The following ABI3BP variants were observed in gnomAD, a reference collection of about 807,000 sequenced individuals.
The protein encoded by ABI3BP is target of Nesh-SH3.
A neutral mutation model predicts 268.6 loss-of-function variants in ABI3BP; 216 were observed. The ratio of observed to expected loss-of-function variants is 0.80; its 90% CI spans 0.72 to 0.90. The LOEUF (loss-of-function observed/expected upper bound fraction) is 0.90. Among genes scored for constraint, ABI3BP ranks in the 40% least tolerant of loss-of-function variants. The probability of loss-of-function intolerance (pLI) is 0.00; values close to 1 mark genes in which losing one functional copy is unlikely to be tolerated. For missense variants in ABI3BP, 2,090 were observed against 2,182.4 expected, an observed-to-expected ratio of 0.96 and a Z score of 0.84; for synonymous variants, 730 against 730.0, an observed-to-expected ratio of 1.00 and a Z score of 0.00.
chr3:100,823,407 G>A (rs1315146764), intron 37 of ABI3BP, 51 bp downstream of exon 37: 5 of 1,439,502 alleles, frequency 3.5e-6, no homozygotes, highest in Admixed American at 4.5e-5. Context: ...TGAAACTCTA[G>A]GTTTGACAAT....
chr3:100,984,832 C>G (rs1173960318), intron 1 of ABI3BP, among the ~76,000 whole-genome samples: 2 of 152,026 alleles, frequency 1.3e-5, no homozygotes, highest in Non-Finnish European at 2.9e-5. Flanking sequence ...GCCTTCCCAA[C>G]ACAAGAGAAG....
chr3:100,756,193 C>T (rs1341632025), intron 63 of ABI3BP, among the ~76,000 whole-genome samples: 1 of 152,162 alleles, frequency 6.6e-6, no homozygotes, highest in Non-Finnish European at 1.5e-5. Flanking sequence ...AGCAATGAGG[C>T]TCAAAACACT....
At position 100,750,030 on chromosome 3, in the gene ABI3BP, C is replaced by T. The variant is rs988152644; in HGVS notation, c.*465G>A. ...AAATGTGAAAATTCGGACCTTTTTTCCCCAGATATACATGCTGAAGATAAT... is the reference window on the plus strand; with the variant it reads ...AAATGTGAAAATTCGGACCTTTTTTTCCCAGATATACATGCTGAAGATAAT... On this transcript the variant is annotated 3_prime_UTR_variant, in exon 68 of 68. Transcript: ENST00000471714. 6 of 297,720 alleles carry T rather than the reference C, an allele frequency of 2.0e-5. No individual in the cohort carries two copies. The highest frequency in any genetic ancestry group is 3.0e-5 in the Non-Finnish European group (5 of 164,076). The allele number at this position is 297,720 out of a possible 1,614,324, so 18.4% of individuals were successfully genotyped here. A position where few individuals can be genotyped will look rare whatever the true frequency, so the allele number is the denominator to read the frequency against.
chr3:100,882,172 CT>C (rs1561227733), intron 6 of ABI3BP, among the ~76,000 whole-genome samples: 1 of 152,096 alleles, frequency 6.6e-6, no homozygotes, highest in African/African-American at 2.4e-5. Context: ...TTCAATGTGT[CT>C]TTTTGCTTGA....
chr3:100,863,944 G>C, intron 12 of ABI3BP, 58 bp downstream of exon 12: 1 of 1,214,776 alleles, frequency 8.2e-7, no homozygotes, highest in Admixed American at 2.0e-5. Context: ...AGACTTCTTT[G>C]AAGCATGCAT....
At chr3:100,826,941 G>A (rs1311250378) in intron 34 of ABI3BP, among the ~76,000 whole-genome samples, 1 of 152,136 alleles carries the variant, frequency 6.6e-6, no homozygotes, top group Non-Finnish European at 1.5e-5. Context: ...CAACAAAAAT[G>A]TTTTGGCTGA....
At chr3:100,801,305 G>A (rs1453308978) in intron 51 of ABI3BP, among the ~76,000 whole-genome samples, 2 of 151,664 alleles carry the variant, frequency 1.3e-5, no homozygotes, top group African/African-American at 4.8e-5. Context: ...GCTTACACCT[G>A]TAGTCCCAGC....
chr3:100,959,383 G>A (rs1338626523), intron 1 of ABI3BP, among the ~76,000 whole-genome samples: 2 of 150,700 alleles, frequency 1.3e-5, no homozygotes, highest in South Asian at 2.1e-4. Context: ...CCAGCTACTC[G>A]GGAGGCTGAG....
chr3:100,821,597 C>CTTT (rs369631203), intron 38 of ABI3BP, among the ~76,000 whole-genome samples: 83 of 119,142 alleles, frequency 7.0e-4, no homozygotes, highest in African/African-American at 1.1e-3. Flanking sequence ...TGAAGTAAGA[C>CTTT]TTTTTTTTTT....
intron 23 of ABI3BP, 115 bp from the exon 24 acceptor site, chr3:100,839,731 AT>A: frequency 8.5e-7 from 1 of 1,170,594 alleles, no homozygotes; most frequent in East Asian, 2.6e-5. Context: ...TCTGAATGTG[AT>A]TTTCCCTTTT....
rs199998539 is a variant in ABI3BP at position 100,926,415 on chromosome 3, C to G, written c.146G>C (p.Arg49Pro). 1.9e-6 allele frequency: 3 copies of G among 1,613,284 alleles called. No homozygotes were observed. In the African/African-American group the frequency reaches 4.0e-5, roughly 22 times the overall value. The stretch of plus-strand genomic sequence containing the variant: ...TTCAAGCTTTACATTTGGACTTGGA[C>G]GCAAGAACTTCAAGAGGATGGAGTC... ...TSDSILLKFL[R>P]PSPNVKLEGL... Residue 49 changes from arginine (R) to proline (P), a missense_variant, in exon 2 of 68, where the codon CGT becomes CCT. Coordinates refer to ENST00000471714, the MANE Select transcript of ABI3BP (RefSeq NM_001375547.2).
intron 14 of ABI3BP, among the ~76,000 whole-genome samples, chr3:100,853,506 TATGAGTTA>T (rs1478911281): frequency 6.6e-6 from 1 of 152,186 alleles, no homozygotes; most frequent in African/African-American, 2.4e-5. Context: ...GGTAAGAAAC[TATGAGTTA>T]ATGGCTTTTT....
intron 1 of ABI3BP, among the ~76,000 whole-genome samples, chr3:100,971,117 C>T (rs2083392886): frequency 3.3e-5 from 5 of 152,132 alleles, no homozygotes; most frequent in Admixed American, 6.6e-5. Flanking sequence ...CAGCATGCCT[C>T]GCAAGTGTCA....
intron 14 of ABI3BP, among the ~76,000 whole-genome samples, chr3:100,857,511 C>T (rs988836724): frequency 2.6e-5 from 4 of 152,150 alleles, no homozygotes; most frequent in African/African-American, 7.2e-5. Context: ...TGATCACATT[C>T]ACAACGAGAA....
chr3:100,789,333 G>C (rs982452794), intron 56 of ABI3BP, 121 bp downstream of exon 56: 12 of 859,906 alleles, frequency 1.4e-5, no homozygotes, highest in Admixed American at 4.6e-5. Flanking sequence ...ACACAGATCA[G>C]AGTCTCTGTA....
At chr3:100,871,976 A>G (rs2099114559) in intron 9 of ABI3BP, among the ~76,000 whole-genome samples, 1 of 152,180 alleles carries the variant, frequency 6.6e-6, no homozygotes, top group Non-Finnish European at 1.5e-5. Context: ...AGTTAGGACT[A>G]CAGGCATGTA....
intron 11 of ABI3BP, chr3:100,864,557 C>T: frequency 2.5e-6 from 1 of 393,022 alleles, no homozygotes; most frequent in Non-Finnish European, 4.5e-6. Flanking sequence ...GGTATTCTGT[C>T]TGTATAACCC....
Position 100,753,919 on chromosome 3 carries a change from A to G in ABI3BP, c.4931-71T>C, listed in dbSNP as rs995270792. On this transcript the variant is annotated intron_variant, in intron 64 of 67. Transcript: ENST00000471714. ...CCAACATTCCAGTGGCATGGTGAAG[A>G]TGATGGGGGCTTACACTTGTTAAGA... 5.5e-6 allele frequency: 8 copies of G among 1,450,856 alleles called. No homozygotes were observed. In the African/African-American group the frequency reaches 1.1e-4, roughly 20 times the overall value. The allele number at this position is 1,450,856 out of a possible 1,614,324, so 89.9% of individuals were successfully genotyped here.
rs774041850 is a variant in ABI3BP, at chr3:100,902,724, G to C, written c.260-38C>G. ...ACATTATTTATCAGAAAAACCCTTT[G>C]AGAACCAGCATTGGAGGCAGCACAC... On this transcript the variant is annotated intron_variant, in intron 2 of 67. Coordinates refer to ENST00000471714, the MANE Select transcript of ABI3BP (RefSeq NM_001375547.2). The C allele has an allele frequency of 1.9e-6, 3 of 1,580,998 alleles. No individual in the cohort carries two copies. In the East Asian group the frequency reaches 6.7e-5, roughly 35 times the overall value.
Sources: gnomAD v4.1 joint callset for allele counts (sites outside exome capture counted in the v4.1 genomes callset) on GRCh38, gnomAD v4.1.1 for gene constraint, MANE v1.5 for transcripts, NCBI Gene and HGNC (gene_info 2026-07-23, HGNC 2026-07-21) for gene names.